The following PFDN1 variants were observed in gnomAD, a reference collection of about 807,000 sequenced individuals.
PFDN1 encodes prefoldin subunit 1.
In PFDN1, 6 loss-of-function variants were observed where a neutral mutation model predicts 17.3. The observed-to-expected ratio is 0.35, with a 90% CI of 0.19 to 0.69. PFDN1 has a LOEUF of 0.69. PFDN1 is among the 30% of genes least tolerant of loss of function. The pLI is 0.65. For missense variants in PFDN1, 113 were observed against 146.2 expected (o/e 0.77, Z 1.17); for synonymous variants, 58 against 50.1 (o/e 1.16, Z -0.67).
chr5:140,250,995 C>A (rs1671114146), intron 3 of PFDN1, among the ~76,000 whole-genome samples: 1 of 152,094 alleles, frequency 6.6e-6, no homozygotes, highest in South Asian at 2.1e-4. Context: ...AGTGCAATGG[C>A]ATGATCTAGG....
intron 3 of PFDN1, among the ~76,000 whole-genome samples, chr5:140,272,167 G>A (rs1018761821): frequency 1.3e-5 from 2 of 151,090 alleles, no homozygotes; most frequent in Admixed American, 6.6e-5. Flanking sequence ...CTACAGACGC[G>A]TGCCACCAGG....
chr5:140,284,869 T>C (rs1045755394), intron 2 of PFDN1, among the ~76,000 whole-genome samples: 1 of 152,246 alleles, frequency 6.6e-6, no homozygotes, highest in African/African-American at 2.4e-5. Flanking sequence ...TTTCACTTCC[T>C]CATTTATTTG....
chr5:140,290,851 C>CAT (rs1277375521), intron 2 of PFDN1, among the ~76,000 whole-genome samples: 1 of 151,868 alleles, frequency 6.6e-6, no homozygotes, highest in Non-Finnish European at 1.5e-5. Context: ...CATCTGATAC[C>CAT]ATAGAGGGTA....
Position 140,245,229 on chromosome 5 carries a change from C to T in PFDN1, c.*745G>A, listed in dbSNP as rs1764809885. On this transcript the variant is annotated 3_prime_UTR_variant, in exon 4 of 4. Transcript: ENST00000261813. The stretch of plus-strand genomic sequence containing the variant: ...ATGAGCCAGCTGGATCACACCGTTG[C>T]CCCCTCAGCCTCTAGGAGGCCTCAG... The T allele has an allele frequency of 2.4e-6, 1 of 409,760 alleles. No homozygotes were observed. The highest frequency in any genetic ancestry group is 4.0e-5 in the Admixed American group (1 of 24,788). The allele number at this position is 409,760 out of a possible 1,614,324, so 25.4% of individuals were successfully genotyped here. A position where few individuals can be genotyped will look rare whatever the true frequency, so the allele number is the denominator to read the frequency against.
chr5:140,286,694 C>A (rs1436981457), intron 2 of PFDN1, among the ~76,000 whole-genome samples: 1 of 140,716 alleles, frequency 7.1e-6, no homozygotes, highest in African/African-American at 2.7e-5. Context: ...CAAACTACGC[C>A]TCCAGGGTTC....
chr5:140,248,067 CA>C (rs1396888237), intron 3 of PFDN1, among the ~76,000 whole-genome samples: 2 of 148,824 alleles, frequency 1.3e-5, no homozygotes, highest in African/African-American at 5.0e-5. Flanking sequence ...CTTTGATAAA[CA>C]ACTCTTTTTT....
chr5:140,274,741 G>A (rs1046805659), intron 3 of PFDN1, among the ~76,000 whole-genome samples: 1 of 152,164 alleles, frequency 6.6e-6, no homozygotes, highest in Non-Finnish European at 1.5e-5. Context: ...AGAGCACAGC[G>A]GCTCACGCTT....
At chr5:140,298,020 A>G (rs1227465501) in intron 2 of PFDN1, among the ~76,000 whole-genome samples, 2 of 152,232 alleles carry the variant, frequency 1.3e-5, no homozygotes, top group Non-Finnish European at 2.9e-5. Context: ...GTGAATGCCA[A>G]CAATGCATTT....
At chr5:140,250,287 A>C (rs1254026084) in intron 3 of PFDN1, among the ~76,000 whole-genome samples, 3 of 152,144 alleles carry the variant, frequency 2.0e-5, no homozygotes, top group African/African-American at 7.2e-5. Context: ...AGCTCCAGTC[A>C]CACAGGCCTC....
chr5:140,255,637 T>C (rs1053331673), intron 3 of PFDN1, among the ~76,000 whole-genome samples: 4 of 152,034 alleles, frequency 2.6e-5, no homozygotes, highest in African/African-American at 9.7e-5. Context: ...AGCAAGGCCC[T>C]GTCTCAAAAC....
intron 3 of PFDN1, among the ~76,000 whole-genome samples, chr5:140,266,186 A>C (rs538170107): frequency 6.6e-6 from 1 of 152,164 alleles, no homozygotes; most frequent in Non-Finnish European, 1.5e-5. Context: ...CCAAAACTTC[A>C]GTTTTTCCAA....
chr5:140,287,532 A>G (rs1384705552), intron 2 of PFDN1, among the ~76,000 whole-genome samples: 2 of 152,232 alleles, frequency 1.3e-5, no homozygotes, highest in Non-Finnish European at 2.9e-5. Context: ...CAGGAACCAC[A>G]GCTTCTTGGA....
At chr5:140,302,444 GTTTTT>G (rs901278660) in intron 1 of PFDN1, among the ~76,000 whole-genome samples, 1 of 152,124 alleles carries the variant, frequency 6.6e-6, no homozygotes, top group African/African-American at 2.4e-5. Flanking sequence ...GTTTTGTTTT[GTTTTT>G]GACAATTCCT....
chr5:140,252,733 A>G (rs1561492809), intron 3 of PFDN1, among the ~76,000 whole-genome samples: 1 of 152,200 alleles, frequency 6.6e-6, no homozygotes, highest in Non-Finnish European at 1.5e-5. Flanking sequence ...CAAGGTTGGT[A>G]GAAGGCAGGG....
intron 2 of PFDN1, among the ~76,000 whole-genome samples, chr5:140,284,029 T>C (rs1005637529): frequency 6.6e-6 from 1 of 152,238 alleles, no homozygotes; most frequent in Non-Finnish European, 1.5e-5. Context: ...AAGCTAAGAT[T>C]AGAGGTCAAG....
intron 3 of PFDN1, among the ~76,000 whole-genome samples, chr5:140,251,746 GA>G (rs921555107): frequency 1.3e-5 from 2 of 152,148 alleles, no homozygotes; most frequent in Non-Finnish European, 2.9e-5. Flanking sequence ...CATGGCCAGG[GA>G]AATGACATTG....
chr5:140,256,797 TATTC>T (rs1764994011), intron 3 of PFDN1, among the ~76,000 whole-genome samples: 1 of 151,666 alleles, frequency 6.6e-6, no homozygotes, highest in African/African-American at 2.4e-5. Context: ...CTTCCAAATA[TATTC>T]CCAAACTCTA....
intron 3 of PFDN1, among the ~76,000 whole-genome samples, chr5:140,264,289 G>A (rs1052446225): frequency 1.3e-5 from 2 of 151,990 alleles, no homozygotes; most frequent in Non-Finnish European, 2.9e-5. Context: ...ATTTCAACAT[G>A]AGATTTGGAG....
At chr5:140,247,496 A>G (rs1764847291) in intron 3 of PFDN1, among the ~76,000 whole-genome samples, 1 of 152,202 alleles carries the variant, frequency 6.6e-6, no homozygotes, top group African/African-American at 2.4e-5. Flanking sequence ...TGTGGCATAC[A>G]CAAATCTTTA....
Sources: gnomAD v4.1 joint callset for allele counts (sites outside exome capture counted in the v4.1 genomes callset) on GRCh38, gnomAD v4.1.1 for gene constraint, MANE v1.5 for transcripts, NCBI Gene and HGNC (gene_info 2026-07-23, HGNC 2026-07-21) for gene names.